Variants in EBF2 observed in about 807,000 individuals in gnomAD.
The protein encoded by EBF2 is EBF transcription factor 2, also known as transcription factor COE2.
Under a neutral mutation model 72.8 loss-of-function variants are expected in EBF2, and 21 were observed. The ratio of observed to expected loss-of-function variants is 0.29; its 90% CI spans 0.20 to 0.42. The LOEUF (loss-of-function observed/expected upper bound fraction) is 0.42, where lower values mean the gene tolerates loss of function less well. Ranked by LOEUF, EBF2 falls within the 10% of genes least tolerant of loss-of-function variation. The pLI, the probability that EBF2 is intolerant of heterozygous loss-of-function variation, is 1.00. For synonymous variants in EBF2, 299 were observed against 274.2 expected (o/e 1.09, Z -0.89); for missense variants, 637 against 731.2 (o/e 0.87, Z 1.49).
intron 6 of EBF2, among the ~76,000 whole-genome samples, chr8:26,015,020 G>C (rs1805085938): frequency 6.6e-6 from 1 of 152,084 alleles, no homozygotes; most frequent in African/African-American, 2.4e-5. Context: ...CAAATCGTAG[G>C]GTGTTAATTG....
intron 14 of EBF2, among the ~76,000 whole-genome samples, chr8:25,851,070 C>CTTCA (rs1458397350): frequency 4.6e-5 from 7 of 151,878 alleles, no homozygotes; most frequent in African/African-American, 1.7e-4. Context: ...TAGCACAGGT[C>CTTCA]TTCATTCACA....
At chr8:25,958,611 T>G (rs1424005435) in intron 6 of EBF2, among the ~76,000 whole-genome samples, 1 of 152,244 alleles carries the variant, frequency 6.6e-6, no homozygotes. Context: ...CTTCTGCCAT[T>G]CCCAGCATGG....
intron 6 of EBF2, among the ~76,000 whole-genome samples, chr8:25,910,681 A>C (rs1803111039): frequency 6.6e-6 from 1 of 152,170 alleles, no homozygotes; most frequent in South Asian, 2.1e-4. Flanking sequence ...TAGGACCCTT[A>C]ACAGTGATTT....
chr8:25,844,377 A>C lies in EBF2; in HGVS notation c.*232T>G, dbSNP rs1195744469. 2 of 510,802 alleles carry C rather than the reference A, an allele frequency of 3.9e-6. No individual in the cohort carries two copies. Among genetic ancestry groups the C allele is most frequent in the Non-Finnish European group, 7.0e-6 (2 of 285,728 alleles). 31.6% of individuals were successfully genotyped at this position (510,802 alleles called of 1,614,324 possible). On this transcript the variant is annotated 3_prime_UTR_variant, in exon 16 of 16. Coordinates refer to ENST00000520164, the MANE Select transcript of EBF2 (RefSeq NM_022659.4). ...AATTGCATTTCTGCTCTTAGCACTG[A>C]CTACGTCAATGACATCTTTTGTCCT...
chr8:25,997,145 C>T (rs1301828452), intron 6 of EBF2, among the ~76,000 whole-genome samples: 1 of 152,112 alleles, frequency 6.6e-6, no homozygotes, highest in African/African-American at 2.4e-5. Context: ...TGTGGTGTGA[C>T]CCACTCCCTA....
chr8:25,868,638 C>A (rs1266692188), intron 10 of EBF2, among the ~76,000 whole-genome samples: 1 of 152,022 alleles, frequency 6.6e-6, no homozygotes, highest in Non-Finnish European at 1.5e-5. Flanking sequence ...GCACCACATG[C>A]CTAATTTTTG....
chr8:25,950,540 C>A lies in EBF2; in HGVS notation c.552-41985G>T, dbSNP rs772838276. Among the ~76,000 whole-genome samples, 40 of 152,188 alleles carry A rather than the reference C, an allele frequency of 2.6e-4. 1 individual carries two copies. Among genetic ancestry groups the A allele is most frequent in the Admixed American group, 1.5e-3 (23 of 15,278 alleles). On this transcript the variant is annotated intron_variant, in intron 6 of 15. Coordinates refer to ENST00000520164, the MANE Select transcript of EBF2 (RefSeq NM_022659.4). ...CACTGCCTTGAGAATCTCATCCAGTCGCATCAAAGAGGGGACAAAGGGAAC... is the reference window on the plus strand; with the variant it reads ...CACTGCCTTGAGAATCTCATCCAGTAGCATCAAAGAGGGGACAAAGGGAAC...
At chr8:25,952,185 ACTC>A (rs1266845161) in intron 6 of EBF2, among the ~76,000 whole-genome samples, 2 of 152,170 alleles carry the variant, frequency 1.3e-5, no homozygotes, top group Admixed American at 6.5e-5. Flanking sequence ...AGTCCCAACT[ACTC>A]AGGAGACTGA....
chr8:26,029,996 C>A (rs1194922504), intron 6 of EBF2, among the ~76,000 whole-genome samples: 3 of 152,130 alleles, frequency 2.0e-5, no homozygotes, highest in African/African-American at 7.2e-5. Context: ...TCTGCAGCCT[C>A]CACCTCCTGG....
chr8:25,842,016 CTG>C lies in EBF2; in HGVS notation c.*2591_*2592del, dbSNP rs1801751885. The C allele has an allele frequency of 6.6e-6, 1 of 152,006 alleles. No individual in the cohort carries two copies. Among genetic ancestry groups the C allele is most frequent in the Non-Finnish European group, 1.5e-5 (1 of 68,004 alleles). The allele number at this position is 152,006 out of a possible 1,614,324, so 9.4% of individuals were successfully genotyped here. A position where few individuals can be genotyped will look rare whatever the true frequency, so the allele number is the denominator to read the frequency against. ...GCATATTGAAATGTGCAAAGAAAAA[CTG>C]AGAAGAATTACAACGCTATAACAAA... On this transcript the variant is annotated 3_prime_UTR_variant, in exon 16 of 16. Transcript: ENST00000520164.
chr8:26,035,862 T>G (rs1465446491), intron 5 of EBF2, among the ~76,000 whole-genome samples: 2 of 152,100 alleles, frequency 1.3e-5, no homozygotes, highest in Non-Finnish European at 2.9e-5. Flanking sequence ...CCTAAAGCCC[T>G]TGTCTCTCTT....
At chr8:26,013,483 C>T (rs926086954) in intron 6 of EBF2, among the ~76,000 whole-genome samples, 6 of 152,124 alleles carry the variant, frequency 3.9e-5, no homozygotes, top group African/African-American at 9.7e-5. Flanking sequence ...CTATATCAGG[C>T]GGTTCTAATC....
At chr8:25,959,055 G>A (rs1424394698) in intron 6 of EBF2, among the ~76,000 whole-genome samples, 1 of 152,192 alleles carries the variant, frequency 6.6e-6, no homozygotes, top group African/African-American at 2.4e-5. Flanking sequence ...ACCCCGAGGG[G>A]AGGATGAGCT....
At chr8:25,854,223 A>C in intron 14 of EBF2, among the ~76,000 whole-genome samples, 2 of 132,286 alleles carry the variant, frequency 1.5e-5, no homozygotes, top group Non-Finnish European at 1.6e-5. Flanking sequence ...TTACTCTAAT[A>C]CCAACCCCCA....
At chr8:25,958,399 G>A (rs1196759108) in intron 6 of EBF2, among the ~76,000 whole-genome samples, 1 of 115,938 alleles carries the variant, frequency 8.6e-6, no homozygotes, top group Admixed American at 9.9e-5. Context: ...GATTTCCCCG[G>A]CATTTTTTTT....
In EBF2 at chr8:25,886,802, T is replaced by C; in HGVS notation, c.962A>G (p.Lys321Arg). Residue 321 changes from lysine (K) to arginine (R), a missense_variant, in exon 10 of 16, where the codon AAA (lysine) becomes AGA (arginine). Physicochemically the swap from Lys to Arg is conservative, Grantham distance 26 (BLOSUM62 2). Transcript: ENST00000520164. ...GGCTCCTTTGCAGAACTGTTTAGATTTATAAGATAATGTCACCTCTACCAC... is the reference window on the plus strand; with the variant it reads ...GGCTCCTTTGCAGAACTGTTTAGATCTATAAGATAATGTCACCTCTACCAC... ...PGVVEVTLSY[K>R]SKQFCKGAPG... 1 of 1,613,326 alleles carries C rather than the reference T, an allele frequency of 6.2e-7. No individual in the cohort carries two copies. Among genetic ancestry groups the C allele is most frequent in the South Asian group, 1.1e-5 (1 of 90,812 alleles).
chr8:25,870,429 C>G (rs900684793), intron 10 of EBF2, among the ~76,000 whole-genome samples: 1 of 151,928 alleles, frequency 6.6e-6, no homozygotes, highest in South Asian at 2.1e-4. Flanking sequence ...CCCTTTCCAT[C>G]TGCATGGCTG....
intron 6 of EBF2, among the ~76,000 whole-genome samples, chr8:26,018,793 G>A (rs1805156326): frequency 6.6e-6 from 1 of 152,086 alleles, no homozygotes; most frequent in Admixed American, 6.5e-5. Flanking sequence ...AGGTCCCTGA[G>A]CTTGGATAAA....
chr8:26,043,676 G>A (rs1309588444), intron 1 of EBF2, among the ~76,000 whole-genome samples: 1 of 152,202 alleles, frequency 6.6e-6, no homozygotes, highest in African/African-American at 2.4e-5. Context: ...CGCTCTACCC[G>A]GGACACCTGG....
Sources: allele counts gnomAD v4.1 joint callset (sites outside exome capture counted in the v4.1 genomes callset), GRCh38; gene constraint gnomAD v4.1.1; transcripts MANE v1.5; gene names NCBI Gene and HGNC (gene_info 2026-07-23, HGNC 2026-07-21).